The following GALNS variants were observed in gnomAD, a reference collection of about 807,000 sequenced individuals.
GALNS encodes N-acetylgalactosamine-6-sulfatase.
A neutral mutation model predicts 65.9 loss-of-function variants in GALNS; 65 were observed. The ratio of observed to expected loss-of-function variants is 0.99; its 90% CI spans 0.81 to 1.21. The LOEUF (loss-of-function observed/expected upper bound fraction) is 1.21, where lower values mean the gene tolerates loss of function less well. GALNS is among the 50% of genes most tolerant of loss of function. The pLI is 0.00. For missense variants in GALNS, 776 were observed against 700.7 expected, an observed-to-expected ratio of 1.11 and a Z score of -1.21; for synonymous variants, 346 against 288.9, an observed-to-expected ratio of 1.20 and a Z score of -2.00.
chr16:88,829,675 C>A (rs1911283212), intron 9 of GALNS, among the ~76,000 whole-genome samples: 1 of 152,246 alleles, frequency 6.6e-6, no homozygotes, highest in Admixed American at 6.5e-5. Flanking sequence ...CAGCCAGGCG[C>A]CTGCTCCCAC....
chr16:88,851,238 A>T (rs1967493926), intron 1 of GALNS, among the ~76,000 whole-genome samples: 1 of 152,166 alleles, frequency 6.6e-6, no homozygotes, highest in South Asian at 2.1e-4. Context: ...AAAGGGCTGG[A>T]TCCAGTGGTT....
chr16:88,816,890 G>C lies in GALNS; in HGVS notation c.1482+1117C>G, dbSNP rs114788631. On this transcript the variant is annotated intron_variant, in intron 13 of 13. Transcript: ENST00000268695. ...ATCCTGCGCGGCAGATCCAGGGGCT[G>C]TGGGCAGCCACGCCCAGCCCGTGTA... 1,132 of 985,466 alleles carry C rather than the reference G, an allele frequency of 1.1e-3. 14 individuals are homozygous for C. In the African/African-American group the frequency reaches 0.019, roughly 16 times the overall value. The allele number at this position is 985,466 out of a possible 1,614,324, so 61.0% of individuals were successfully genotyped here. A position where few individuals can be genotyped will look rare whatever the true frequency, so the allele number is the denominator to read the frequency against.
chr16:88,836,590 G>C (rs1014341207), intron 5 of GALNS, among the ~76,000 whole-genome samples: 1 of 152,168 alleles, frequency 6.6e-6, no homozygotes, highest in African/African-American at 2.4e-5. Flanking sequence ...GGAGGCGGAG[G>C]TTGCAGTGAG....
intron 3 of GALNS, 22 bp from the exon 4 acceptor site, chr16:88,841,116 A>G (rs1426158745): frequency 2.5e-6 from 4 of 1,590,078 alleles, no homozygotes; most frequent in Non-Finnish European, 3.5e-6. Flanking sequence ...GCGCTGGGTG[A>G]GCCCCGAGGA....
intron 11 of GALNS, among the ~76,000 whole-genome samples, chr16:88,823,948 G>C (rs568096634): frequency 6.6e-6 from 1 of 152,330 alleles, no homozygotes; most frequent in South Asian, 2.1e-4. Flanking sequence ...GCCTGCACAG[G>C]GTGGGGAGGA....
intron 1 of GALNS, among the ~76,000 whole-genome samples, chr16:88,848,947 G>A (rs1414346197): frequency 6.6e-6 from 1 of 152,174 alleles, no homozygotes; most frequent in Non-Finnish European, 1.5e-5. Flanking sequence ...AGGCTACATG[G>A]CCCCTGCCTG....
intron 8 of GALNS, among the ~76,000 whole-genome samples, chr16:88,832,407 G>A (rs377759603): frequency 2.2e-4 from 34 of 152,332 alleles, no homozygotes; most frequent in Middle Eastern, 6.8e-3. Context: ...TGCCACGTGC[G>A]CAGCTGCCGA....
chr16:88,817,889 G>C, intron 13 of GALNS, 118 bp downstream of exon 13: 1 of 896,170 alleles, frequency 1.1e-6, no homozygotes, highest in Admixed American at 2.0e-5. Context: ...CCTCACCACT[G>C]ACGGAGGCGG....
chr16:88,854,555 G>C (rs1967682705), intron 1 of GALNS, among the ~76,000 whole-genome samples: 1 of 152,256 alleles, frequency 6.6e-6, no homozygotes, highest in South Asian at 2.1e-4. Context: ...GCCTGGGCTG[G>C]ACAGGTCAGC....
chr16:88,818,148 C>T, intron 12 of GALNS, 24 bp from the exon 13 acceptor site: 1 of 1,552,418 alleles, frequency 6.4e-7, no homozygotes, highest in South Asian at 1.2e-5. Flanking sequence ...GCTCTGGTCA[C>T]ACGGCTGGGG....
intron 13 of GALNS, chr16:88,815,857 G>A: frequency 1.0e-6 from 1 of 985,322 alleles, no homozygotes; most frequent in Non-Finnish European, 1.2e-6. Flanking sequence ...GTTTGAGTCT[G>A]GATGGGGGAT....
chr16:88,819,413 T>G (rs1427297959), intron 12 of GALNS, among the ~76,000 whole-genome samples: 1 of 152,182 alleles, frequency 6.6e-6, no homozygotes, highest in Non-Finnish European at 1.5e-5. Context: ...CTCAGGTGCA[T>G]TTGTGTTTCT....
intron 1 of GALNS, among the ~76,000 whole-genome samples, chr16:88,851,557 T>A (rs556905335): frequency 3.3e-5 from 5 of 152,142 alleles, no homozygotes; most frequent in Non-Finnish European, 7.4e-5. Context: ...GGGTGGGGCA[T>A]CGCCTCACTC....
chr16:88,826,882 C>T, intron 9 of GALNS, 44 bp from the exon 10 acceptor site: 1 of 1,551,760 alleles, frequency 6.4e-7, no homozygotes, highest in African/African-American at 1.4e-5. Flanking sequence ...TCTGCACCGA[C>T]CCGATGGGGC....
rs118204446 is a variant in GALNS at position 88,832,065 on chromosome 16, G to C, written c.935C>G (p.Thr312Ser). ...CTCCCTCATCCCTCCTTCAAACGTG[G>C]TCTGCTTCCCACACAGAAAGGGGCC... ...SNGPFLCGKQ[T>S]TFEGGMREPA... The change falls in exon 9 of 14, where the codon ACC becomes AGC. Residue 312 changes from threonine to serine, a missense_variant. By Grantham distance (58) the Thr-to-Ser change is moderately conservative (BLOSUM62 1). Transcript: ENST00000268695. 3.3e-5 allele frequency: 53 copies of C among 1,613,790 alleles called. No individual in the cohort carries two copies. The highest frequency in any genetic ancestry group is 4.1e-5 in the Non-Finnish European group (48 of 1,179,930).
chr16:88,834,602 C>T (rs376935584), intron 8 of GALNS, among the ~76,000 whole-genome samples: 7,041 of 102,050 alleles, frequency 0.069, 28 homozygotes, highest in East Asian at 0.24. Context: ...GCTGTAGGGC[C>T]CCCCCCGTGT....
intron 1 of GALNS, chr16:88,855,202 T>G (rs1317014850): frequency 1.5e-6 from 1 of 689,078 alleles, no homozygotes. Context: ...ACATAAAAAA[T>G]TATTCATGAG....
intron 4 of GALNS, 155 bp from the exon 5 acceptor site, chr16:88,837,920 A>T (rs1372153946): frequency 1.4e-6 from 1 of 732,810 alleles, no homozygotes. Flanking sequence ...GGGACAAAAG[A>T]CCAAGGCCTC....
chr16:88,821,901 A>C (rs1017723610), intron 12 of GALNS, among the ~76,000 whole-genome samples: 6 of 152,108 alleles, frequency 3.9e-5, no homozygotes, highest in Non-Finnish European at 8.8e-5. Context: ...CAGGACCCCC[A>C]GGCCAGGAGC....
Sources: allele counts gnomAD v4.1 joint callset (sites outside exome capture counted in the v4.1 genomes callset), GRCh38; gene constraint gnomAD v4.1.1; transcripts MANE v1.5; gene names NCBI Gene and HGNC (gene_info 2026-07-23, HGNC 2026-07-21).